SNTG1: variants seen among roughly 807,000 people sequenced by gnomAD.
The protein encoded by SNTG1 is gamma-1-syntrophin.
SNTG1 carries 39 observed loss-of-function variants against 74.7 expected under a neutral mutation model. That is an observed-to-expected ratio of 0.52 (90% CI 0.40 to 0.68). SNTG1 has a LOEUF of 0.68. Among genes scored for constraint, SNTG1 ranks in the 30% least tolerant of loss-of-function variants. SNTG1 has a pLI of 0.00. For missense variants in SNTG1, 685 were observed against 609.5 expected (o/e 1.12, Z -1.30); for synonymous variants, 254 against 217.1 (o/e 1.17, Z -1.49).
intron 1 of SNTG1, among the ~76,000 whole-genome samples, chr8:50,022,597 A>T (rs1228530073): frequency 6.6e-6 from 1 of 152,182 alleles, no homozygotes; most frequent in East Asian, 1.9e-4. Flanking sequence ...ATTAAATTGG[A>T]TGAAAGTGGA....
intron 13 of SNTG1, among the ~76,000 whole-genome samples, chr8:50,637,914 T>C (rs575134664): frequency 1.4e-4 from 22 of 152,252 alleles, no homozygotes; most frequent in African/African-American, 4.1e-4. Flanking sequence ...CACCAAATAT[T>C]AAGGTTAAGT....
chr8:50,718,305 TAGTC>T (rs1057075642), intron 17 of SNTG1, among the ~76,000 whole-genome samples: 6 of 152,004 alleles, frequency 3.9e-5, no homozygotes, highest in Admixed American at 6.6e-5. Context: ...AAAAGTAAAA[TAGTC>T]AGGCACCAAA....
intron 1 of SNTG1, among the ~76,000 whole-genome samples, chr8:50,079,706 T>C (rs570929698): frequency 2.0e-5 from 3 of 152,324 alleles, no homozygotes; most frequent in Admixed American, 1.3e-4. Flanking sequence ...GGTTTTGCAT[T>C]TCAGTCTTTA....
At chr8:50,215,998 C>A (rs557985181) in intron 2 of SNTG1, among the ~76,000 whole-genome samples, 141 of 152,202 alleles carry the variant, frequency 9.3e-4, no homozygotes, top group African/African-American at 3.3e-3. Flanking sequence ...AATTTTTTTA[C>A]AGAAAGCCAG....
At chr8:50,248,800 T>A (rs4368993) in intron 2 of SNTG1, among the ~76,000 whole-genome samples, 1 of 152,122 alleles carries the variant, frequency 6.6e-6, no homozygotes, top group Non-Finnish European at 1.5e-5. Context: ...TTAGCAATAA[T>A]TCATATTTCT....
chr8:50,054,837 A>T (rs556564387), intron 1 of SNTG1, among the ~76,000 whole-genome samples: 1 of 152,146 alleles, frequency 6.6e-6, no homozygotes, highest in South Asian at 2.1e-4. Context: ...ATGCCCAGCT[A>T]ATTTCTTATT....
intron 2 of SNTG1, among the ~76,000 whole-genome samples, chr8:50,281,106 A>G (rs1208374881): frequency 6.6e-6 from 1 of 152,200 alleles, no homozygotes; most frequent in Non-Finnish European, 1.5e-5. Context: ...AGACTATTTC[A>G]AAATATGTCA....
chr8:50,582,103 A>G (rs2094613946), intron 12 of SNTG1, among the ~76,000 whole-genome samples: 2 of 152,186 alleles, frequency 1.3e-5, no homozygotes, highest in Non-Finnish European at 1.5e-5. Context: ...GTTTCACACT[A>G]TAGACATTAA....
intron 2 of SNTG1, among the ~76,000 whole-genome samples, chr8:50,279,921 C>T (rs2088342336): frequency 6.6e-6 from 1 of 152,172 alleles, no homozygotes; most frequent in Non-Finnish European, 1.5e-5. Flanking sequence ...TGTAGTCATC[C>T]TTCTCTTCCT....
At chr8:50,083,836 A>G (rs985604717) in intron 1 of SNTG1, among the ~76,000 whole-genome samples, 2 of 152,156 alleles carry the variant, frequency 1.3e-5, no homozygotes, top group African/African-American at 4.8e-5. Context: ...ATGCCTTCTG[A>G]CTATCCAGTC....
intron 1 of SNTG1, among the ~76,000 whole-genome samples, chr8:49,938,868 G>T (rs981807437): frequency 1.3e-5 from 2 of 151,516 alleles, no homozygotes; most frequent in South Asian, 4.2e-4. Flanking sequence ...CATTATGTTT[G>T]TTGGAAATCT....
chr8:50,357,055 T>C lies in SNTG1; in HGVS notation c.-27-37157T>C, dbSNP rs552793202. Among the ~76,000 whole-genome samples the C allele has an allele frequency of 2.6e-5, 4 of 152,320 alleles. No individual in the cohort carries two copies. In the South Asian group the frequency reaches 8.3e-4, roughly 32 times the overall value. ...TGGGCCTTAGCACATGAACTTTTTT[T>C]CTCTCCCTGGTTGGCCTTCCCTCCG... On this transcript the variant is annotated intron_variant, in intron 2 of 18. Coordinates refer to ENST00000642720, the MANE Select transcript of SNTG1 (RefSeq NM_018967.5).
chr8:50,437,865 C>T lies in SNTG1; in HGVS notation c.163-678C>T, dbSNP rs536839513. 7.2e-5 allele frequency among the ~76,000 whole-genome samples: 11 copies of T among 152,276 alleles called. No individual in the cohort carries two copies. In the South Asian group the frequency reaches 1.0e-3, roughly 14 times the overall value. ...TTGTCTAAATGTAGCTCTTTGTTCT[C>T]ATGCCATCATCTTTGTGATTTTGAA... On this transcript the variant is annotated intron_variant, in intron 4 of 18. Coordinates refer to ENST00000642720, the MANE Select transcript of SNTG1 (RefSeq NM_018967.5).
chr8:50,549,425 T>C, intron 11 of SNTG1, among the ~76,000 whole-genome samples: 1 of 152,158 alleles, frequency 6.6e-6, no homozygotes, highest in Non-Finnish European at 1.5e-5. Context: ...CAATGTTCTG[T>C]CCTCACACAC....
chr8:50,072,162 CCTTGGACAAGTAATATGTTT>C (rs1428267417), intron 1 of SNTG1, among the ~76,000 whole-genome samples: 2 of 152,012 alleles, frequency 1.3e-5, no homozygotes, highest in Non-Finnish European at 1.5e-5. Flanking sequence ...GATCTATTTG[CCTTGGACAAGTAATATGTTT>C]CTTGGACAAG....
At chr8:50,688,225 T>A (rs2131425341) in intron 15 of SNTG1, among the ~76,000 whole-genome samples, 1 of 152,324 alleles carries the variant, frequency 6.6e-6, no homozygotes, top group Admixed American at 6.5e-5. Flanking sequence ...ACTCTGATGG[T>A]AGTTTCTTTT....
chr8:49,950,406 C>T (rs1030003251), intron 1 of SNTG1, among the ~76,000 whole-genome samples: 2 of 152,038 alleles, frequency 1.3e-5, no homozygotes, highest in African/African-American at 4.8e-5. Context: ...TATGCTATTC[C>T]TCTAGTAGTT....
At chr8:50,658,749 T>A in intron 15 of SNTG1, 86 bp downstream of exon 15, 2 of 810,288 alleles carry the variant, frequency 2.5e-6, no homozygotes, top group Non-Finnish European at 2.0e-6. Flanking sequence ...TGAAAACAAA[T>A]CATTCATGGA....
At chr8:50,409,552 A>T (rs2092921489) in intron 4 of SNTG1, among the ~76,000 whole-genome samples, 1 of 152,204 alleles carries the variant, frequency 6.6e-6, no homozygotes, top group Non-Finnish European at 1.5e-5. Context: ...GGCCGTTGTC[A>T]GATAGATGTG....
Sources: gnomAD v4.1 joint callset for allele counts (sites outside exome capture counted in the v4.1 genomes callset) on GRCh38, gnomAD v4.1.1 for gene constraint, MANE v1.5 for transcripts, NCBI Gene and HGNC (gene_info 2026-07-23, HGNC 2026-07-21) for gene names.